Variants in GUCY1A2 observed in about 807,000 individuals in gnomAD.
GUCY1A2 encodes the protein guanylate cyclase 1 soluble subunit alpha 2.
In GUCY1A2, 27 loss-of-function variants were observed where a neutral mutation model predicts 63.5. The observed-to-expected ratio is 0.43, with a 90% CI of 0.31 to 0.59. The LOEUF is 0.59. Among genes scored for constraint, GUCY1A2 ranks in the 20% least tolerant of loss-of-function variants. The pLI, the probability that GUCY1A2 is intolerant of heterozygous loss-of-function variation, is 0.11. For missense variants in GUCY1A2, 768 were observed against 913.3 expected, an observed-to-expected ratio of 0.84 and a Z score of 2.05; for synonymous variants, 364 against 343.5, an observed-to-expected ratio of 1.06 and a Z score of -0.66.
chr11:106,943,004 A>G (rs569165892), intron 3 of GUCY1A2, among the ~76,000 whole-genome samples: 354 of 152,324 alleles, frequency 2.3e-3, no homozygotes, highest in Admixed American at 4.0e-3. Flanking sequence ...TTCTATATAA[A>G]CCCATAATAT....
At chr11:106,858,675 T>C (rs1859469548) in intron 4 of GUCY1A2, among the ~76,000 whole-genome samples, 1 of 152,086 alleles carries the variant, frequency 6.6e-6, no homozygotes. Context: ...TAAAAATGGA[T>C]TACAAATATG....
intron 4 of GUCY1A2, among the ~76,000 whole-genome samples, chr11:106,870,993 T>G (rs758417246): frequency 6.6e-6 from 1 of 152,184 alleles, no homozygotes; most frequent in African/African-American, 2.4e-5. Flanking sequence ...TGGCTTATTA[T>G]GATAAGCTTC....
chr11:106,963,951 C>T (rs1446815160), intron 3 of GUCY1A2, among the ~76,000 whole-genome samples: 1 of 151,916 alleles, frequency 6.6e-6, no homozygotes, highest in Non-Finnish European at 1.5e-5. Flanking sequence ...TATAAAAATT[C>T]TCATATTCAT....
rs1862532138 is a variant in GUCY1A2, at chr11:106,686,706, G to T, written c.*843C>A. On this transcript the variant is annotated 3_prime_UTR_variant, in exon 8 of 8. Coordinates refer to ENST00000526355, the MANE Select transcript of GUCY1A2 (RefSeq NM_000855.3). ...CATTTTAACTGATATTTGTTAGAAGGTGGCAAAAAGACCTTTCTTTAATCT... is the reference window on the plus strand; with the variant it reads ...CATTTTAACTGATATTTGTTAGAAGTTGGCAAAAAGACCTTTCTTTAATCT... 1 of 209,034 alleles carries T rather than the reference G, an allele frequency of 4.8e-6. No individual in the cohort carries two copies. Among genetic ancestry groups the T allele is most frequent in the Non-Finnish European group, 9.7e-6 (1 of 102,820 alleles). 12.9% of individuals were successfully genotyped at this position (209,034 alleles called of 1,614,324 possible).
At chr11:106,731,346 T>A (rs957934982) in intron 6 of GUCY1A2, among the ~76,000 whole-genome samples, 1 of 152,140 alleles carries the variant, frequency 6.6e-6, no homozygotes, top group South Asian at 2.1e-4. Flanking sequence ...TCCTTTCATG[T>A]TAAAAACCTC....
chr11:107,011,132 T>C (rs1475270387), intron 1 of GUCY1A2, among the ~76,000 whole-genome samples: 2 of 152,220 alleles, frequency 1.3e-5, no homozygotes, highest in Non-Finnish European at 2.9e-5. Flanking sequence ...CACTGCCTCA[T>C]GCATCGAACA....
intron 6 of GUCY1A2, among the ~76,000 whole-genome samples, chr11:106,763,320 C>CT (rs1342740744): frequency 6.6e-6 from 1 of 151,750 alleles, no homozygotes; most frequent in East Asian, 1.9e-4. Context: ...GAAATGGAGA[C>CT]TGAGGGGTCC....
In GUCY1A2 at chr11:106,835,629, T is replaced by C. The variant is rs1859106377; in HGVS notation, c.1207-25151A>G. ...AAAACAAAATCCAGAATTAGACGCTTAGTCATGAATCCACAGATAGCACAG... is the reference window on the plus strand; with the variant it reads ...AAAACAAAATCCAGAATTAGACGCTCAGTCATGAATCCACAGATAGCACAG... On this transcript the variant is annotated intron_variant, in intron 4 of 7. Coordinates refer to ENST00000526355, the MANE Select transcript of GUCY1A2 (RefSeq NM_000855.3). Among the ~76,000 whole-genome samples the C allele has an allele frequency of 2.0e-5, 3 of 150,744 alleles. No individual in the cohort carries two copies. In the South Asian group the frequency reaches 6.3e-4, roughly 32 times the overall value.
intron 4 of GUCY1A2, chr11:106,827,811 T>G: frequency 6.3e-7 from 1 of 1,592,894 alleles, no homozygotes; most frequent in Non-Finnish European, 8.6e-7. Context: ...AGCCAACTGC[T>G]CCGCACAAGT....
At chr11:106,976,371 G>T (rs1199372232) in intron 3 of GUCY1A2, among the ~76,000 whole-genome samples, 2 of 152,106 alleles carry the variant, frequency 1.3e-5, no homozygotes, top group African/African-American at 4.8e-5. Context: ...TGTCCAGTAA[G>T]CTGACCAATT....
rs567722983 is a variant in GUCY1A2 at position 106,730,515 on chromosome 11, C to T, written c.1837-21849G>A. Among the ~76,000 whole-genome samples, 50 of 152,082 alleles carry T rather than the reference C, an allele frequency of 3.3e-4. No homozygotes were observed. In the South Asian group the frequency reaches 0.01, roughly 32 times the overall value. On this transcript the variant is annotated intron_variant, in intron 6 of 7. Coordinates refer to ENST00000526355, the MANE Select transcript of GUCY1A2 (RefSeq NM_000855.3). The stretch of plus-strand genomic sequence containing the variant: ...ACAACATTTTCTTTATCCAGTCTAC[C>T]ATTGATGGACATTTAGGTTGATTCT...
intron 4 of GUCY1A2, among the ~76,000 whole-genome samples, chr11:106,822,338 CTAT>C (rs879293264): frequency 6.6e-5 from 10 of 151,986 alleles, no homozygotes; most frequent in Non-Finnish European, 1.0e-4. Context: ...AATTTTTCCA[CTAT>C]TATTGTTTAT....
intron 6 of GUCY1A2, among the ~76,000 whole-genome samples, chr11:106,710,881 C>G (rs1040240072): frequency 3.9e-5 from 6 of 151,978 alleles, no homozygotes; most frequent in Non-Finnish European, 5.9e-5. Context: ...CCACCAGGCT[C>G]TCTTTGCCAC....
At chr11:106,917,678 T>A (rs991103827) in intron 4 of GUCY1A2, among the ~76,000 whole-genome samples, 2 of 140,452 alleles carry the variant, frequency 1.4e-5, no homozygotes, top group Non-Finnish European at 3.2e-5. Context: ...TCATTCTCAG[T>A]AAACTATCAC....
At chr11:106,978,917 G>C (rs1861298092) in intron 2 of GUCY1A2, among the ~76,000 whole-genome samples, 177 bp from the exon 3 acceptor site, 1 of 152,184 alleles carries the variant, frequency 6.6e-6, no homozygotes, top group African/African-American at 2.4e-5. Context: ...AGCATTTGCA[G>C]TGTAGACCTG....
chr11:106,856,562 T>C (rs1037784190), intron 4 of GUCY1A2, among the ~76,000 whole-genome samples: 1 of 152,230 alleles, frequency 6.6e-6, no homozygotes, highest in Non-Finnish European at 1.5e-5. Context: ...GTTAAATATT[T>C]CTGTAACTAG....
chr11:106,708,707 C>A lies in GUCY1A2; in HGVS notation c.1837-41G>T, dbSNP rs199916103. On this transcript the variant is annotated intron_variant, in intron 6 of 7. Transcript: ENST00000526355. ...AGAGGAAAAGGAACATATTTGTTTCCATTTGGTATGCAATTATTTTAATGA... is the reference window on the plus strand; with the variant it reads ...AGAGGAAAAGGAACATATTTGTTTCAATTTGGTATGCAATTATTTTAATGA... 1.2e-4 allele frequency: 167 copies of A among 1,393,050 alleles called. No individual in the cohort carries two copies. In the African/African-American group the frequency reaches 2.2e-3, roughly 18 times the overall value. The allele number at this position is 1,393,050 out of a possible 1,614,324, so 86.3% of individuals were successfully genotyped here.
At chr11:106,927,007 C>T (rs1860533184) in intron 4 of GUCY1A2, among the ~76,000 whole-genome samples, 1 of 149,000 alleles carries the variant, frequency 6.7e-6, no homozygotes, top group African/African-American at 2.5e-5. Context: ...GTTTAAAAAT[C>T]GTATCTACTT....
At chr11:106,786,430 C>G (rs1411051105) in intron 5 of GUCY1A2, among the ~76,000 whole-genome samples, 2 of 152,074 alleles carry the variant, frequency 1.3e-5, no homozygotes, top group African/African-American at 4.8e-5. Flanking sequence ...GAACTACTCC[C>G]AAATGAAGGA....
Sources: gnomAD v4.1 joint callset for allele counts (sites outside exome capture counted in the v4.1 genomes callset) on GRCh38, gnomAD v4.1.1 for gene constraint, MANE v1.5 for transcripts, NCBI Gene and HGNC (gene_info 2026-07-23, HGNC 2026-07-21) for gene names.